FGGY: variants seen among roughly 807,000 people sequenced by gnomAD.
FGGY encodes the protein FGGY carbohydrate kinase domain containing.
In FGGY, 72 loss-of-function variants were observed where a neutral mutation model predicts 71.3. That is an observed-to-expected ratio of 1.01 (90% CI 0.84 to 1.23). The LOEUF (loss-of-function observed/expected upper bound fraction) is 1.23, where lower values mean the gene tolerates loss of function less well. Ranked by LOEUF, FGGY falls within the 50% of genes most tolerant of loss-of-function variation. The pLI, the probability that FGGY is intolerant of heterozygous loss-of-function variation, is 0.00. For missense variants in FGGY, 668 were observed against 682.3 expected, an observed-to-expected ratio of 0.98 and a Z score of 0.23; for synonymous variants, 251 against 250.3, an observed-to-expected ratio of 1.00 and a Z score of -0.02.
intron 5 of FGGY, among the ~76,000 whole-genome samples, chr1:59,386,604 G>T (rs1351914785): frequency 1.3e-5 from 2 of 151,928 alleles, no homozygotes; most frequent in African/African-American, 2.4e-5. Flanking sequence ...CACATAAGGA[G>T]TGGGGAGTAG....
At chr1:59,529,813 T>C (rs2095091717) in intron 7 of FGGY, among the ~76,000 whole-genome samples, 1 of 152,190 alleles carries the variant, frequency 6.6e-6, no homozygotes, top group Non-Finnish European at 1.5e-5. Flanking sequence ...TTTCCTGAAA[T>C]AGGTTTTGGC....
intron 13 of FGGY, among the ~76,000 whole-genome samples, chr1:59,670,273 TG>T (rs1245032975): frequency 6.6e-6 from 1 of 152,266 alleles, no homozygotes; most frequent in African/African-American, 2.4e-5. Flanking sequence ...CATTTGCATT[TG>T]TCCCTGTAAA....
intron 10 of FGGY, among the ~76,000 whole-genome samples, chr1:59,634,105 G>A (rs1206633869): frequency 6.6e-6 from 1 of 151,942 alleles, no homozygotes; most frequent in Non-Finnish European, 1.5e-5. Context: ...TAGTGTATTG[G>A]GTTAAGAAGT....
At chr1:59,417,899 C>G (rs939248559) in intron 5 of FGGY, among the ~76,000 whole-genome samples, 4 of 152,156 alleles carry the variant, frequency 2.6e-5, no homozygotes, top group African/African-American at 9.7e-5. Context: ...ATTTCAAGTG[C>G]TCAGTTGCTG....
chr1:59,663,312 A>G (rs2153965037), intron 12 of FGGY, among the ~76,000 whole-genome samples: 1 of 152,290 alleles, frequency 6.6e-6, no homozygotes, highest in South Asian at 2.1e-4. Context: ...ACCATGCTGC[A>G]TTTTCCTTTG....
At chr1:59,382,976 G>A (rs59138430) in intron 5 of FGGY, among the ~76,000 whole-genome samples, 1,543 of 152,202 alleles carry the variant, frequency 0.01, 25 homozygotes, top group African/African-American at 0.035. Context: ...AAGTGTGGTG[G>A]CATGCATACA....
chr1:59,356,261 T>A (rs1051338264), intron 4 of FGGY, among the ~76,000 whole-genome samples: 1 of 152,170 alleles, frequency 6.6e-6, no homozygotes, highest in Non-Finnish European at 1.5e-5. Flanking sequence ...CTTAGAGAAA[T>A]GGAAAGGCAT....
intron 5 of FGGY, among the ~76,000 whole-genome samples, chr1:59,423,960 T>G (rs146622639): frequency 3.3e-5 from 5 of 152,366 alleles, no homozygotes; most frequent in Admixed American, 6.5e-5. Context: ...CTCTCTAGGC[T>G]ATGGTGCCCT....
intron 4 of FGGY, among the ~76,000 whole-genome samples, chr1:59,351,569 T>A (rs1386452231): frequency 1.3e-5 from 2 of 152,236 alleles, no homozygotes; most frequent in African/African-American, 4.8e-5. Flanking sequence ...CTTTGCTATG[T>A]CTTGGTCCTT....
intron 8 of FGGY, among the ~76,000 whole-genome samples, chr1:59,560,909 C>T (rs1366138906): frequency 6.6e-6 from 1 of 152,154 alleles, no homozygotes; most frequent in Non-Finnish European, 1.5e-5. Flanking sequence ...ACTGTTCCTG[C>T]CAGCCCAATT....
rs1246306654 is a variant in FGGY, at chr1:59,757,998, T to A, written c.1574+6T>A. On this transcript the variant is annotated splice_donor_region_variant and intron_variant, in intron 15 of 15. Coordinates refer to ENST00000303721, the MANE Select transcript of FGGY (RefSeq NM_018291.5). The stretch of plus-strand genomic sequence containing the variant: ...CCGAGACTACAGGATAAAAAGTAAG[T>A]GTGTATTTTTTATATGTACAGTGCT... 6.2e-7 allele frequency: 1 copy of A among 1,607,848 alleles called. No homozygotes were observed. Among genetic ancestry groups the A allele is most frequent in the East Asian group, 2.2e-5 (1 of 44,812 alleles).
At chr1:59,504,993 T>C (rs2094340051) in intron 6 of FGGY, among the ~76,000 whole-genome samples, 1 of 152,218 alleles carries the variant, frequency 6.6e-6, no homozygotes, top group Non-Finnish European at 1.5e-5. Flanking sequence ...TGAACTATTC[T>C]CTGTCTAGTG....
At chr1:59,575,247 C>T (rs1283544870) in intron 8 of FGGY, among the ~76,000 whole-genome samples, 1 of 152,108 alleles carries the variant, frequency 6.6e-6, no homozygotes, top group South Asian at 2.1e-4. Flanking sequence ...TACAATTTGG[C>T]CAACATCTCT....
At chr1:59,447,495 T>G (rs896730971) in intron 5 of FGGY, among the ~76,000 whole-genome samples, 3 of 152,158 alleles carry the variant, frequency 2.0e-5, no homozygotes, top group Non-Finnish European at 4.4e-5. Context: ...TATCGCACCC[T>G]ATCTAAGGGT....
chr1:59,551,725 T>C (rs1171951010), intron 7 of FGGY, among the ~76,000 whole-genome samples: 2 of 152,212 alleles, frequency 1.3e-5, no homozygotes, highest in African/African-American at 4.8e-5. Context: ...GTGAAGTTAC[T>C]ACTCATTTCT....
At chr1:59,544,951 C>G (rs1256519953) in intron 7 of FGGY, among the ~76,000 whole-genome samples, 1 of 152,200 alleles carries the variant, frequency 6.6e-6, no homozygotes, top group Non-Finnish European at 1.5e-5. Context: ...CTTTACCTCC[C>G]CATCTTCCTT....
At chr1:59,430,085 A>G (rs571777940) in intron 5 of FGGY, among the ~76,000 whole-genome samples, 2 of 152,306 alleles carry the variant, frequency 1.3e-5, no homozygotes, top group South Asian at 4.1e-4. Flanking sequence ...CCAGGCCATA[A>G]GCTGTTGCTG....
chr1:59,461,286 A>G (rs2092188208), intron 6 of FGGY, among the ~76,000 whole-genome samples: 1 of 152,228 alleles, frequency 6.6e-6, no homozygotes. Context: ...GCAAGCTTCA[A>G]TAGCCAATTC....
At chr1:59,387,085 T>C (rs945421773) in intron 5 of FGGY, among the ~76,000 whole-genome samples, 3 of 152,088 alleles carry the variant, frequency 2.0e-5, no homozygotes, top group African/African-American at 7.2e-5. Context: ...TTATAAGGGA[T>C]ATTATTGTAT....
Sources: allele counts gnomAD v4.1 joint callset (sites outside exome capture counted in the v4.1 genomes callset), GRCh38; gene constraint gnomAD v4.1.1; transcripts MANE v1.5; gene names NCBI Gene and HGNC (gene_info 2026-07-23, HGNC 2026-07-21).